The following CFAP221 variants were observed in gnomAD, a reference collection of about 807,000 sequenced individuals.
CFAP221 encodes the protein cilia- and flagella-associated protein 221.
Under a neutral mutation model 113.1 loss-of-function variants are expected in CFAP221, and 97 were observed. The observed-to-expected ratio is 0.86, with a 90% CI of 0.73 to 1.02. CFAP221 has a LOEUF of 1.02. Ranked by LOEUF, CFAP221 falls within the 50% of genes least tolerant of loss-of-function variation. The pLI is 0.00. For missense variants in CFAP221, 1,025 were observed against 1,013.4 expected (o/e 1.01, Z -0.16); for synonymous variants, 331 against 354.4 (o/e 0.93, Z 0.74).
chr2:119,548,197 C>T (rs1048823561), intron 2 of CFAP221, among the ~76,000 whole-genome samples: 1 of 152,160 alleles, frequency 6.6e-6, no homozygotes, highest in Non-Finnish European at 1.5e-5. Flanking sequence ...CTCCTGGGCT[C>T]AAGCGATCCT....
intron 16 of CFAP221, among the ~76,000 whole-genome samples, chr2:119,628,188 C>T (rs1320676867): frequency 1.3e-5 from 2 of 152,130 alleles, no homozygotes; most frequent in Admixed American, 6.5e-5. Flanking sequence ...GGAAGGGCAG[C>T]CCTCAAGTCT....
At position 119,646,864 on chromosome 2, in the gene CFAP221, A is replaced by G. The variant is rs546580814; in HGVS notation, c.2226-94A>G. 6.2e-6 allele frequency: 7 copies of G among 1,129,752 alleles called. No individual in the cohort carries two copies. In the African/African-American group the frequency reaches 1.1e-4, roughly 18 times the overall value. The allele number at this position is 1,129,752 out of a possible 1,614,324, so 70.0% of individuals were successfully genotyped here. A position where few individuals can be genotyped will look rare whatever the true frequency, so the allele number is the denominator to read the frequency against. ...AGGACAGAGTAGTAGAGGCCTCGCC[A>G]GCAGTAAAATAAAAATTCTTTAGAA... is the stretch of plus-strand genomic sequence containing the variant. On this transcript the variant is annotated intron_variant, in intron 21 of 23. Transcript: ENST00000413369.
intron 14 of CFAP221, among the ~76,000 whole-genome samples, chr2:119,619,950 G>A (rs556543316): frequency 9.2e-5 from 14 of 152,178 alleles, no homozygotes; most frequent in Non-Finnish European, 1.6e-4. Flanking sequence ...GAATACACAA[G>A]TATCAAGAGC....
chr2:119,615,046 T>C (rs1396347574), intron 13 of CFAP221, among the ~76,000 whole-genome samples: 1 of 152,236 alleles, frequency 6.6e-6, no homozygotes, highest in Admixed American at 6.5e-5. Flanking sequence ...GTAAGACTGA[T>C]TCCCTTCTGC....
intron 6 of CFAP221, among the ~76,000 whole-genome samples, chr2:119,563,864 C>G (rs760743283): frequency 6.6e-6 from 1 of 152,130 alleles, no homozygotes; most frequent in East Asian, 1.9e-4. Flanking sequence ...GGGCTGGGGA[C>G]AAGAGGATGG....
At chr2:119,652,734 T>C (rs1688199534) in intron 23 of CFAP221, among the ~76,000 whole-genome samples, 1 of 152,236 alleles carries the variant, frequency 6.6e-6, no homozygotes, top group African/African-American at 2.4e-5. Context: ...TTTTGAAGAA[T>C]ACTTTTTAAT....
chr2:119,588,559 TG>T (rs1683374905), intron 7 of CFAP221, among the ~76,000 whole-genome samples: 1 of 152,150 alleles, frequency 6.6e-6, no homozygotes, highest in South Asian at 2.1e-4. Context: ...TAAGCAGAAT[TG>T]ACTGACAACT....
intron 6 of CFAP221, among the ~76,000 whole-genome samples, chr2:119,565,640 A>G (rs1574013037): frequency 6.6e-6 from 1 of 152,226 alleles, no homozygotes; most frequent in African/African-American, 2.4e-5. Context: ...GTGTTATTGT[A>G]TATAATGATG....
At chr2:119,559,143 C>G (rs1481596017) in intron 3 of CFAP221, among the ~76,000 whole-genome samples, 1 of 152,230 alleles carries the variant, frequency 6.6e-6, no homozygotes, top group Admixed American at 6.5e-5. Flanking sequence ...TCCTGCCTCA[C>G]AGGGATGGCC....
At chr2:119,617,333 G>A (rs1273522275) in intron 14 of CFAP221, among the ~76,000 whole-genome samples, 1 of 152,178 alleles carries the variant, frequency 6.6e-6, no homozygotes, top group Non-Finnish European at 1.5e-5. Flanking sequence ...TCCCTGGGTG[G>A]TCTCTGCATA....
At chr2:119,619,969 T>G (rs542056891) in intron 14 of CFAP221, among the ~76,000 whole-genome samples, 1 of 151,912 alleles carries the variant, frequency 6.6e-6, no homozygotes, top group South Asian at 2.1e-4. Context: ...GCCAAATCGA[T>G]CAAGTGGAAG....
At chr2:119,644,597 T>C (rs1687684823) in intron 21 of CFAP221, among the ~76,000 whole-genome samples, 1 of 152,170 alleles carries the variant, frequency 6.6e-6, no homozygotes, top group Admixed American at 6.5e-5. Flanking sequence ...GTGCTATGTA[T>C]ACACATTGCT....
At position 119,569,125 on chromosome 2, in the gene CFAP221, A is replaced by AATTT. The variant is rs59068098; in HGVS notation, c.527+7032_527+7035dup. 4.6e-3 allele frequency among the ~76,000 whole-genome samples: 685 copies of AATTT among 150,370 alleles called. 7 individuals are homozygous for AATTT. The highest frequency in any genetic ancestry group is 0.01 in the Middle Eastern group (3 of 294). On this transcript the variant is annotated intron_variant, in intron 6 of 23. Transcript: ENST00000413369. ...TTTTTTTTTCCCTCTGACTTCTTTC[A>AATTT]ATTTATTTATTTATTTATTTATTTT...
At chr2:119,591,159 G>A (rs1683566808) in intron 7 of CFAP221, among the ~76,000 whole-genome samples, 1 of 152,198 alleles carries the variant, frequency 6.6e-6, no homozygotes, top group Non-Finnish European at 1.5e-5. Context: ...ACAGCTGGGG[G>A]CCATATGCAG....
intron 3 of CFAP221, among the ~76,000 whole-genome samples, chr2:119,550,281 A>G (rs1053475028): frequency 1.3e-5 from 2 of 152,218 alleles, no homozygotes; most frequent in African/African-American, 4.8e-5. Flanking sequence ...TCGATTGTTT[A>G]GAGTGAGGCA....
At chr2:119,584,406 G>C (rs1029047157) in intron 6 of CFAP221, among the ~76,000 whole-genome samples, 18 of 152,170 alleles carry the variant, frequency 1.2e-4, no homozygotes, top group Admixed American at 5.2e-4. Flanking sequence ...GGGCAACATA[G>C]TGGGAACTCA....
At chr2:119,649,905 A>C (rs1305675901) in intron 22 of CFAP221, among the ~76,000 whole-genome samples, 1 of 152,192 alleles carries the variant, frequency 6.6e-6, no homozygotes, top group Non-Finnish European at 1.5e-5. Flanking sequence ...GGCACTCCTT[A>C]GCTCCATTGT....
chr2:119,633,638 A>G (rs1300063963), intron 19 of CFAP221, among the ~76,000 whole-genome samples: 1 of 151,798 alleles, frequency 6.6e-6, no homozygotes, highest in Non-Finnish European at 1.5e-5. Flanking sequence ...TAAAAAAAAA[A>G]ACCTAATAAC....
intron 11 of CFAP221, among the ~76,000 whole-genome samples, chr2:119,606,076 C>T (rs1244606320): frequency 6.6e-6 from 1 of 151,986 alleles, no homozygotes; most frequent in African/African-American, 2.4e-5. Context: ...ACATCATGGC[C>T]GGCTGCACCC....
Sources: allele counts gnomAD v4.1 joint callset (sites outside exome capture counted in the v4.1 genomes callset), GRCh38; gene constraint gnomAD v4.1.1; transcripts MANE v1.5; gene names NCBI Gene and HGNC (gene_info 2026-07-23, HGNC 2026-07-21).